The following CNOT6 variants were observed in gnomAD, a reference collection of about 807,000 sequenced individuals.
CNOT6 encodes carbon catabolite repression 4 protein.
Under a neutral mutation model 61.2 loss-of-function variants are expected in CNOT6, and 12 were observed. The ratio of observed to expected loss-of-function variants is 0.20; its 90% CI spans 0.13 to 0.32. The LOEUF (loss-of-function observed/expected upper bound fraction) is 0.32, where lower values mean the gene tolerates loss of function less well. Among genes scored for constraint, CNOT6 ranks in the 10% least tolerant of loss-of-function variants. The probability of loss-of-function intolerance (pLI) is 1.00; values close to 1 mark genes in which losing one functional copy is unlikely to be tolerated. For missense variants in CNOT6, 405 were observed against 663.9 expected (o/e 0.61, Z 4.28); for synonymous variants, 225 against 240.6 (o/e 0.94, Z 0.60).
chr5:180,575,611 C>A lies in CNOT6; in HGVS notation c.*1411C>A, dbSNP rs946573251. ...GACTAAGTCATTTTAGTATGTCAAG[C>A]AAGATAAAAATTACATCATACCGTC... On this transcript the variant is annotated 3_prime_UTR_variant, in exon 12 of 12. Transcript: ENST00000261951. 1 of 152,482 alleles carries A rather than the reference C, an allele frequency of 6.6e-6. No individual in the cohort carries two copies. The highest frequency in any genetic ancestry group is 2.4e-5 in the African/African-American group (1 of 41,386). 9.4% of individuals were successfully genotyped at this position (152,482 alleles called of 1,614,324 possible). A position where few individuals can be genotyped will look rare whatever the true frequency, so the allele number is the denominator to read the frequency against.
At chr5:180,573,552 AGTGTGTGTGTGTGTGTGTGT>A (rs755954581) in intron 11 of CNOT6, among the ~76,000 whole-genome samples, 3 of 119,164 alleles carry the variant, frequency 2.5e-5, no homozygotes, top group African/African-American at 9.7e-5. Flanking sequence ...GGAGGGGGGC[AGTGTGTGTGTGTGTGTGTGT>A]GTGTGTGTGT....
chr5:180,494,967 G>A (rs1217241112), intron 1 of CNOT6, among the ~76,000 whole-genome samples: 1 of 151,756 alleles, frequency 6.6e-6, no homozygotes, highest in Non-Finnish European at 1.5e-5. Context: ...CCCGGGCCGA[G>A]TCCCTGGGAG....
chr5:180,548,095 G>A (rs1291135248), intron 2 of CNOT6, among the ~76,000 whole-genome samples: 2 of 152,246 alleles, frequency 1.3e-5, no homozygotes, highest in South Asian at 2.1e-4. Context: ...ATTTTCTGCT[G>A]TTTTTTCTTG....
At chr5:180,498,671 A>T (rs1756724617) in intron 1 of CNOT6, among the ~76,000 whole-genome samples, 1 of 152,230 alleles carries the variant, frequency 6.6e-6, no homozygotes, top group Non-Finnish European at 1.5e-5. Context: ...CTGACAGCAG[A>T]AGAGAGAGCC....
At chr5:180,536,673 C>T (rs2127728902) in intron 2 of CNOT6, among the ~76,000 whole-genome samples, 1 of 152,118 alleles carries the variant, frequency 6.6e-6, no homozygotes, top group African/African-American at 2.4e-5. Flanking sequence ...TGCAGTGATG[C>T]CATCTCGGCT....
intron 3 of CNOT6, 37 bp from the exon 4 acceptor site, chr5:180,553,349 A>G (rs529959659): frequency 8.3e-6 from 12 of 1,439,922 alleles, no homozygotes; most frequent in Admixed American, 3.4e-5. Flanking sequence ...AAAGGCTAAC[A>G]TATTTTTCTG....
At chr5:180,557,239 T>C (rs186535771) in intron 4 of CNOT6, among the ~76,000 whole-genome samples, 3 of 152,338 alleles carry the variant, frequency 2.0e-5, no homozygotes, top group East Asian at 1.9e-4. Flanking sequence ...AATATAGTTA[T>C]TCATTTCTCT....
At chr5:180,553,250 C>A in intron 3 of CNOT6, 136 bp from the exon 4 acceptor site, 47 of 328,996 alleles carry the variant, frequency 1.4e-4, no homozygotes, top group Non-Finnish European at 2.6e-4. Flanking sequence ...ATTTAAGAAA[C>A]GCAGTACTAG....
At chr5:180,495,284 T>G (rs114813480) in intron 1 of CNOT6, 41 of 152,390 alleles carry the variant, frequency 2.7e-4, no homozygotes, top group African/African-American at 9.9e-4. Context: ...ACGGGGTGGA[T>G]TACAGGTTAA....
intron 11 of CNOT6, 70 bp downstream of exon 11, chr5:180,571,502 T>A (rs1760747312): frequency 2.8e-6 from 3 of 1,077,816 alleles, no homozygotes; most frequent in Non-Finnish European, 4.2e-6. Context: ...CATCATTATG[T>A]CTTTAAAACT....
At chr5:180,514,470 A>G (rs1017359678) in intron 1 of CNOT6, among the ~76,000 whole-genome samples, 4 of 152,234 alleles carry the variant, frequency 2.6e-5, no homozygotes, top group Non-Finnish European at 5.9e-5. Context: ...TTTGCAGTGT[A>G]ATTAGGACTT....
At chr5:180,526,848 A>C (rs1758123055) in intron 1 of CNOT6, among the ~76,000 whole-genome samples, 1 of 151,886 alleles carries the variant, frequency 6.6e-6, no homozygotes, top group Non-Finnish European at 1.5e-5. Flanking sequence ...TCTATAATGG[A>C]CAAGAATTTA....
chr5:180,519,507 G>C (rs889861638), intron 1 of CNOT6, among the ~76,000 whole-genome samples: 2 of 152,172 alleles, frequency 1.3e-5, no homozygotes, highest in East Asian at 1.9e-4. Context: ...CCAAGTGTTA[G>C]AATATAGAAT....
At chr5:180,495,315 G>A (rs536121572) in intron 1 of CNOT6, 3 of 152,372 alleles carry the variant, frequency 2.0e-5, no homozygotes, top group African/African-American at 7.2e-5. Context: ...GGCATGCAAT[G>A]AGGATGCTTA....
In CNOT6 at chr5:180,519,865, C is replaced by T. The variant is rs142064120; in HGVS notation, c.-2-9410C>T. Among the ~76,000 whole-genome samples the T allele has an allele frequency of 4.8e-4, 70 of 145,862 alleles. 1 individual carries two copies. The highest frequency in any genetic ancestry group is 1.6e-3 in the African/African-American group (62 of 39,542). ...TTTTTTTTTCCCTGAAAAGGAATCT[C>T]GCTCTATTGCCTAGCTGGAGTACAG... On this transcript the variant is annotated intron_variant, in intron 1 of 11. Coordinates refer to ENST00000261951, the MANE Select transcript of CNOT6 (RefSeq NM_001370472.1).
rs1196531555 is a variant in CNOT6 at position 180,534,680 on chromosome 5, G to C, written c.112+5292G>C. 2.1e-5 allele frequency: 3 copies of C among 141,182 alleles called. No individual in the cohort carries two copies. In the East Asian group the frequency reaches 6.5e-4, roughly 30 times the overall value. 8.7% of individuals were successfully genotyped at this position (141,182 alleles called of 1,614,324 possible). ...AGTCGCTGGGGTCCGAGAGGCCCTC[G>C]GAATCCACCATGGCATGGGCCGGAG... On this transcript the variant is annotated intron_variant, in intron 2 of 11. Transcript: ENST00000261951.
At chr5:180,561,474 A>G (rs1760184338) in intron 4 of CNOT6, among the ~76,000 whole-genome samples, 1 of 148,314 alleles carries the variant, frequency 6.7e-6, no homozygotes, top group African/African-American at 2.5e-5. Flanking sequence ...TGTTTCTGTC[A>G]TCTCAGGGTT....
intron 2 of CNOT6, among the ~76,000 whole-genome samples, chr5:180,533,339 T>TAC (rs1758497992): frequency 7.3e-6 from 1 of 136,190 alleles, no homozygotes; most frequent in African/African-American, 2.7e-5. Context: ...TATATATATA[T>TAC]ATATCACCGT....
At chr5:180,525,049 ACTT>A (rs1490861496) in intron 1 of CNOT6, among the ~76,000 whole-genome samples, 2 of 150,084 alleles carry the variant, frequency 1.3e-5, no homozygotes, top group African/African-American at 2.5e-5. Context: ...CAGAAGGAGC[ACTT>A]CTTTGTGTTT....
Sources: gnomAD v4.1 joint callset for allele counts (sites outside exome capture counted in the v4.1 genomes callset) on GRCh38, gnomAD v4.1.1 for gene constraint, MANE v1.5 for transcripts, NCBI Gene and HGNC (gene_info 2026-07-23, HGNC 2026-07-21) for gene names.